The following RIMS1 variants were observed in gnomAD, a reference collection of about 807,000 sequenced individuals.
RIMS1 encodes regulating synaptic membrane exocytosis protein 1.
In RIMS1, 83 loss-of-function variants were observed where a neutral mutation model predicts 214.1. The observed-to-expected ratio is 0.39, with a 90% CI of 0.32 to 0.47. RIMS1 has a LOEUF of 0.47. Ranked by LOEUF, RIMS1 falls within the 20% of genes least tolerant of loss-of-function variation. The pLI, the probability that RIMS1 is intolerant of heterozygous loss-of-function variation, is 0.99. For missense variants in RIMS1, 2,050 were observed against 2,161.8 expected (o/e 0.95, Z 1.03); for synonymous variants, 793 against 786.8 (o/e 1.01, Z -0.13).
At chr6:72,053,129 A>T (rs1386355446) in intron 2 of RIMS1, among the ~76,000 whole-genome samples, 1 of 152,050 alleles carries the variant, frequency 6.6e-6, no homozygotes, top group East Asian at 1.9e-4. Context: ...AGTCTAACCA[A>T]CCTTGGCATA....
intron 13 of RIMS1, 87 bp downstream of exon 13, chr6:72,250,547 A>C: frequency 1.0e-6 from 1 of 956,770 alleles, no homozygotes; most frequent in South Asian, 1.7e-5. Context: ...TTTTTAAAAA[A>C]TATAATAGAT....
At position 72,371,178 on chromosome 6, in the gene RIMS1, CAT is replaced by C. The variant is rs1396973654; in HGVS notation, c.4367-19419_4367-19418del. Among the ~76,000 whole-genome samples, 7 of 151,936 alleles carry C rather than the reference CAT, an allele frequency of 4.6e-5. 1 individual carries two copies. In the South Asian group the frequency reaches 6.2e-4, roughly 14 times the overall value. Reference sequence around the variant, plus strand: ...TGTGTGTATGTGTGCTGTGTGTGCACATGTGTGGTCTGGAGGGTCTATTATGG... The same window carrying C: ...TGTGTGTATGTGTGCTGTGTGTGCACGTGTGGTCTGGAGGGTCTATTATGG... On this transcript the variant is annotated intron_variant, in intron 29 of 33. Coordinates refer to ENST00000521978, the MANE Select transcript of RIMS1 (RefSeq NM_014989.7).
At chr6:72,301,908 C>T (rs1471381981) in intron 26 of RIMS1, among the ~76,000 whole-genome samples, 2 of 151,426 alleles carry the variant, frequency 1.3e-5, no homozygotes, top group African/African-American at 4.8e-5. Context: ...GAATTTTTTT[C>T]CTCGTGATAC....
At chr6:72,367,831 G>T (rs554080428) in intron 29 of RIMS1, among the ~76,000 whole-genome samples, 18 of 152,250 alleles carry the variant, frequency 1.2e-4, no homozygotes, top group Non-Finnish European at 2.4e-4. Context: ...GAATACTTTT[G>T]CAAATGAAGG....
intron 2 of RIMS1, among the ~76,000 whole-genome samples, chr6:72,025,644 C>T (rs879878580): frequency 5.3e-5 from 8 of 152,078 alleles, no homozygotes; most frequent in African/African-American, 9.7e-5. Flanking sequence ...TGGCTAGGAC[C>T]TTTTTGTACT....
In RIMS1 at chr6:72,182,316, G is replaced by T; in HGVS notation, c.845G>T (p.Gly282Val). The T allele has an allele frequency of 6.2e-7, 1 of 1,607,032 alleles. No homozygotes were observed. The highest frequency in any genetic ancestry group is 8.5e-7 in the Non-Finnish European group (1 of 1,176,556). The change falls in exon 6 of 34, where the codon GGC (glycine) becomes GTC (valine). Residue 282 changes from glycine to valine, a missense_variant. Transcript: ENST00000521978. Reference sequence around the variant, plus strand: ...ACCCCAGGGCTTTCCGAGCAGAATGGCAAAGGAGCCCTGAAGAGCGAGCGG... The same window carrying T: ...ACCCCAGGGCTTTCCGAGCAGAATGTCAAAGGAGCCCTGAAGAGCGAGCGG... ...KKTPGLSEQN[G>V]KGALKSERKR...
chr6:72,361,969 C>CTGTTT (rs2097844204), intron 29 of RIMS1, among the ~76,000 whole-genome samples: 1 of 146,714 alleles, frequency 6.8e-6, no homozygotes, highest in Non-Finnish European at 1.5e-5. Flanking sequence ...AGGACCATTA[C>CTGTTT]TGTATTGTAT....
At chr6:71,949,716 A>C (rs1788889914) in intron 1 of RIMS1, among the ~76,000 whole-genome samples, 1 of 152,198 alleles carries the variant, frequency 6.6e-6, no homozygotes, top group East Asian at 1.9e-4. Context: ...TAAGATCTCC[A>C]TTTAACAGTC....
At chr6:72,351,739 T>C (rs917244189) in intron 29 of RIMS1, among the ~76,000 whole-genome samples, 12 of 152,202 alleles carry the variant, frequency 7.9e-5, no homozygotes, top group Non-Finnish European at 1.6e-4. Context: ...AAATGTATAA[T>C]TGCCTGTAAA....
intron 4 of RIMS1, among the ~76,000 whole-genome samples, chr6:72,148,356 C>A (rs1275911994): frequency 6.6e-6 from 1 of 152,086 alleles, no homozygotes; most frequent in African/African-American, 2.4e-5. Flanking sequence ...CTTTCTCTTT[C>A]TAGAAAAACC....
chr6:71,886,882 GC>G lies in RIMS1; in HGVS notation c.-141del. ...TCTCCCCGGCTCTGCTGCTGCTGCT[GC>G]TGCCGCCGCCGCCGCTGCTCCTCCT... On this transcript the variant is annotated 5_prime_UTR_variant, in exon 1 of 34. An upstream open reading frame in the 5' UTR loses its in-frame stop. Coordinates refer to ENST00000521978, the MANE Select transcript of RIMS1 (RefSeq NM_014989.7). 1 of 864,386 alleles carries G rather than the reference GC, an allele frequency of 1.2e-6. No individual in the cohort carries two copies. Among genetic ancestry groups the G allele is most frequent in the Non-Finnish European group, 1.8e-6 (1 of 555,110 alleles). 53.5% of individuals were successfully genotyped at this position (864,386 alleles called of 1,614,324 possible).
At chr6:72,272,457 C>T (rs1403157151) in intron 22 of RIMS1, among the ~76,000 whole-genome samples, 1 of 152,090 alleles carries the variant, frequency 6.6e-6, no homozygotes, top group Non-Finnish European at 1.5e-5. Flanking sequence ...TATATTGGTA[C>T]TACATATCAG....
chr6:71,919,052 G>A (rs920197933), intron 1 of RIMS1, among the ~76,000 whole-genome samples: 1 of 152,274 alleles, frequency 6.6e-6, no homozygotes, highest in African/African-American at 2.4e-5. Context: ...GTAGTTAGAT[G>A]TGGGTTTCAG....
At chr6:72,328,960 T>C (rs1408467562) in intron 28 of RIMS1, among the ~76,000 whole-genome samples, 1 of 151,830 alleles carries the variant, frequency 6.6e-6, no homozygotes, top group Non-Finnish European at 1.5e-5. Context: ...GTTGGGAAAG[T>C]ATTATTAGTC....
At chr6:72,366,866 G>C in intron 29 of RIMS1, 1 of 980,690 alleles carries the variant, frequency 1.0e-6, no homozygotes, top group Non-Finnish European at 1.2e-6. Flanking sequence ...AGATAGACAA[G>C]GTAAGTCTAT....
At chr6:72,099,642 A>G (rs1234903240) in intron 3 of RIMS1, among the ~76,000 whole-genome samples, 1 of 152,158 alleles carries the variant, frequency 6.6e-6, no homozygotes, top group Non-Finnish European at 1.5e-5. Context: ...TAATAGGTAG[A>G]CTACATGTGG....
At chr6:72,333,261 A>T (rs2096732232) in intron 28 of RIMS1, among the ~76,000 whole-genome samples, 1 of 151,930 alleles carries the variant, frequency 6.6e-6, no homozygotes, top group Non-Finnish European at 1.5e-5. Context: ...GAAATATTTT[A>T]GTTTTTCTCT....
chr6:72,185,870 G>A (rs1032032779), intron 6 of RIMS1, among the ~76,000 whole-genome samples: 1 of 152,188 alleles, frequency 6.6e-6, no homozygotes, highest in East Asian at 1.9e-4. Flanking sequence ...AGACAGCAAG[G>A]CTCTTTTTCC....
At chr6:72,136,502 A>G (rs2153869037) in intron 4 of RIMS1, among the ~76,000 whole-genome samples, 1 of 152,266 alleles carries the variant, frequency 6.6e-6, no homozygotes, top group African/African-American at 2.4e-5. Flanking sequence ...TAATTAAGCA[A>G]TATATTCACT....
Sources: allele counts gnomAD v4.1 joint callset (sites outside exome capture counted in the v4.1 genomes callset), GRCh38; gene constraint gnomAD v4.1.1; transcripts MANE v1.5; gene names NCBI Gene and HGNC (gene_info 2026-07-23, HGNC 2026-07-21).